Variants in ELAPOR2 observed in about 807,000 individuals in gnomAD.
ELAPOR2 encodes endosome/lysosome-associated apoptosis and autophagy regulator family member 2.
A neutral mutation model predicts 120.7 loss-of-function variants in ELAPOR2; 89 were observed. That is an observed-to-expected ratio of 0.74 (90% CI 0.62 to 0.88). The LOEUF is 0.88. Ranked by LOEUF, ELAPOR2 falls within the 40% of genes least tolerant of loss-of-function variation. The probability of loss-of-function intolerance (pLI) is 0.00; values close to 1 mark genes in which losing one functional copy is unlikely to be tolerated. For missense variants in ELAPOR2, 1,134 were observed against 1,251.6 expected (o/e 0.91, Z 1.42); for synonymous variants, 444 against 444.9 (o/e 1.00, Z 0.03).
At chr7:87,038,585 C>A (rs1049860400) in intron 1 of ELAPOR2, among the ~76,000 whole-genome samples, 2 of 152,106 alleles carry the variant, frequency 1.3e-5, no homozygotes, top group African/African-American at 4.8e-5. Context: ...CAATATCAAG[C>A]AGCTTCTCTG....
At chr7:86,972,107 A>G in intron 1 of ELAPOR2, among the ~76,000 whole-genome samples, 1 of 152,152 alleles carries the variant, frequency 6.6e-6, no homozygotes, top group East Asian at 1.9e-4. Context: ...TGTCAGTGCC[A>G]AGATAAACCA....
chr7:86,914,661 A>G (rs1343302178), intron 13 of ELAPOR2, 62 bp downstream of exon 13: 1 of 1,410,158 alleles, frequency 7.1e-7, no homozygotes, highest in Non-Finnish European at 9.5e-7. Flanking sequence ...CTTTGTATGC[A>G]TCTCCACAAG....
At chr7:86,954,526 C>T (rs550556001) in intron 2 of ELAPOR2, among the ~76,000 whole-genome samples, 9 of 152,112 alleles carry the variant, frequency 5.9e-5, no homozygotes, top group Non-Finnish European at 8.8e-5. Flanking sequence ...TAATAATAAA[C>T]GGATTTTCAA....
At chr7:87,033,637 G>T (rs886487410) in intron 1 of ELAPOR2, among the ~76,000 whole-genome samples, 1 of 151,612 alleles carries the variant, frequency 6.6e-6, no homozygotes, top group Non-Finnish European at 1.5e-5. Flanking sequence ...GCGAACTTAA[G>T]AGAATCCAAA....
At chr7:86,906,237 A>ATC (rs1251797516) in intron 18 of ELAPOR2, among the ~76,000 whole-genome samples, 1 of 152,092 alleles carries the variant, frequency 6.6e-6, no homozygotes, top group African/African-American at 2.4e-5. Context: ...TATTGCTAGA[A>ATC]TCTCTGACCA....
At chr7:86,980,113 T>G (rs1301511763) in intron 1 of ELAPOR2, among the ~76,000 whole-genome samples, 1 of 152,176 alleles carries the variant, frequency 6.6e-6, no homozygotes, top group East Asian at 1.9e-4. Context: ...CTTATACTAT[T>G]GTCGGTTGGA....
chr7:87,050,806 A>G (rs952558508), intron 1 of ELAPOR2, among the ~76,000 whole-genome samples: 2 of 152,182 alleles, frequency 1.3e-5, no homozygotes, highest in African/African-American at 4.8e-5. Context: ...AGGAGAAGTG[A>G]GAAGTTCTGA....
At chr7:87,012,779 T>G (rs11773077) in intron 1 of ELAPOR2, among the ~76,000 whole-genome samples, 61,320 of 152,004 alleles carry the variant, frequency 0.4, 13,866 homozygotes, top group African/African-American at 0.62. Flanking sequence ...AGTCATATCT[T>G]CCATGGGTCC....
At chr7:86,897,682 C>T (rs1206101411) in intron 18 of ELAPOR2, 50 bp from the exon 19 acceptor site, 14 of 1,605,560 alleles carry the variant, frequency 8.7e-6, no homozygotes, top group Non-Finnish European at 1.2e-5. Flanking sequence ...CTTTTTAACC[C>T]ATTCAATCCA....
chr7:87,050,772 A>ATGGTAG (rs1275283237), intron 1 of ELAPOR2, among the ~76,000 whole-genome samples: 1 of 152,176 alleles, frequency 6.6e-6, no homozygotes, highest in Non-Finnish European at 1.5e-5. Context: ...GCAAGATACA[A>ATGGTAG]TGGTAGTATG....
chr7:87,040,179 C>A (rs1438343993), intron 1 of ELAPOR2, among the ~76,000 whole-genome samples: 2 of 152,234 alleles, frequency 1.3e-5, no homozygotes, highest in African/African-American at 2.4e-5. Context: ...TGCAAGGCGG[C>A]AGCGAGGCTG....
intron 1 of ELAPOR2, among the ~76,000 whole-genome samples, chr7:87,021,648 A>G (rs1261662764): frequency 6.6e-6 from 1 of 152,198 alleles, no homozygotes; most frequent in Non-Finnish European, 1.5e-5. Context: ...AAAGCTCTTG[A>G]TAAATATTAC....
chr7:87,055,901 T>C (rs1177406420), intron 1 of ELAPOR2, among the ~76,000 whole-genome samples: 1 of 152,230 alleles, frequency 6.6e-6, no homozygotes, highest in Non-Finnish European at 1.5e-5. Context: ...CAGAATTGCA[T>C]TATGCAAGAT....
At chr7:87,034,951 G>A (rs6963589) in intron 1 of ELAPOR2, among the ~76,000 whole-genome samples, 48,805 of 151,780 alleles carry the variant, frequency 0.32, 8,088 homozygotes, top group Non-Finnish European at 0.36. Flanking sequence ...ACATGGTGGC[G>A]TGTGCCTGTA....
chr7:86,893,534 T>C (rs1197784313), intron 19 of ELAPOR2, among the ~76,000 whole-genome samples: 1 of 151,954 alleles, frequency 6.6e-6, no homozygotes, highest in Non-Finnish European at 1.5e-5. Context: ...ATGGGTTGCA[T>C]TCACCCATCA....
intron 18 of ELAPOR2, among the ~76,000 whole-genome samples, chr7:86,907,270 G>A (rs552891770): frequency 1.3e-5 from 2 of 151,966 alleles, no homozygotes; most frequent in Non-Finnish European, 2.9e-5. Context: ...TCAGAGGTTA[G>A]ATTACTTAAT....
chr7:86,975,089 C>T (rs1367575223), intron 1 of ELAPOR2, among the ~76,000 whole-genome samples: 1 of 152,128 alleles, frequency 6.6e-6, no homozygotes, highest in Non-Finnish European at 1.5e-5. Context: ...GAAAAGAGAA[C>T]AAAGAGATGA....
At chr7:87,023,709 C>A (rs1584007050) in intron 1 of ELAPOR2, among the ~76,000 whole-genome samples, 1 of 152,076 alleles carries the variant, frequency 6.6e-6, no homozygotes, top group East Asian at 1.9e-4. Flanking sequence ...ATGGAATGTT[C>A]TTCCATTTGT....
chr7:87,043,861 C>G (rs1342137325), intron 1 of ELAPOR2, among the ~76,000 whole-genome samples: 14 of 151,752 alleles, frequency 9.2e-5, no homozygotes, highest in Admixed American at 9.2e-4. Context: ...CTAGAAAACC[C>G]CATTGTCTCA....
Sources: gnomAD v4.1 joint callset for allele counts (sites outside exome capture counted in the v4.1 genomes callset) on GRCh38, gnomAD v4.1.1 for gene constraint, MANE v1.5 for transcripts, NCBI Gene and HGNC (gene_info 2026-07-23, HGNC 2026-07-21) for gene names.